Variants in PGRMC2 observed in about 807,000 individuals in gnomAD.
PGRMC2 encodes membrane-associated progesterone receptor component 2.
A neutral mutation model predicts 19.3 loss-of-function variants in PGRMC2; 9 were observed. The observed-to-expected ratio is 0.47, with a 90% CI of 0.28 to 0.81. The LOEUF is 0.81. PGRMC2 is among the 40% of genes least tolerant of loss of function. The probability of loss-of-function intolerance (pLI) is 0.11; values close to 1 mark genes in which losing one functional copy is unlikely to be tolerated. For synonymous variants in PGRMC2, 157 were observed against 124.6 expected (o/e 1.26, Z -1.73); for missense variants, 289 against 297.3 (o/e 0.97, Z 0.21).
rs1400934013 is a variant in PGRMC2, at chr4:128,287,658, ACGC to A, written c.130_132del (p.Ala44del). On this transcript the variant is annotated inframe_deletion, in exon 1 of 3. Transcript: ENST00000296425. ...TCCCCGCCCCCCGTCAGAAGCGCCA[ACGC>A]CGCCGCCGCCCAGCCTCCCCCTTCC... 1 of 1,533,058 alleles carries A rather than the reference ACGC, an allele frequency of 6.5e-7. No individual in the cohort carries two copies. The highest frequency in any genetic ancestry group is 8.7e-7 in the Non-Finnish European group (1 of 1,144,110). The allele number at this position is 1,533,058 out of a possible 1,614,324, so 95.0% of individuals were successfully genotyped here.
chr4:128,287,584 G>A lies in PGRMC2; in HGVS notation c.207C>T (p.Tyr69=). 7.0e-7 allele frequency: 1 copy of A among 1,436,310 alleles called. No individual in the cohort carries two copies. The highest frequency in any genetic ancestry group is 1.2e-5 in the South Asian group (1 of 81,526). The allele number at this position is 1,436,310 out of a possible 1,614,324, so 89.0% of individuals were successfully genotyped here. A position where few individuals can be genotyped will look rare whatever the true frequency, so the allele number is the denominator to read the frequency against. The change falls in exon 1 of 3, where the codon TAC becomes TAT. Residue 69 remains tyrosine (Y), a synonymous_variant. Coordinates refer to ENST00000296425, the MANE Select transcript of PGRMC2 (RefSeq NM_006320.6). ...ALVALVLLGA[Y]RLWVRWGRRG... is the part of the protein sequence containing the mutation. Reference sequence around the variant, plus strand: ...GCCGCCCCCAGCGCACCCACAGCCGGTAGGCCCCCAGCAGCACCAGAGCCA... The same window carrying A: ...GCCGCCCCCAGCGCACCCACAGCCGATAGGCCCCCAGCAGCACCAGAGCCA...
chr4:128,272,647 C>A (rs917567479), intron 1 of PGRMC2, 130 bp from the exon 2 acceptor site: 3 of 486,200 alleles, frequency 6.2e-6, no homozygotes, highest in African/African-American at 2.1e-5. Flanking sequence ...TTTGTATATA[C>A]CCTTAATTTC....
At position 128,287,442 on chromosome 4, in the gene PGRMC2, G is replaced by A; in HGVS notation, c.349C>T (p.Pro117Ser). 1.2e-6 allele frequency: 2 copies of A among 1,613,446 alleles called. No homozygotes were observed. The highest frequency in any genetic ancestry group is 2.2e-5 in the South Asian group (2 of 91,054). Residue 117 changes from proline to serine, a missense_variant, in exon 1 of 3, where the codon CCG becomes TCG. Coordinates refer to ENST00000296425, the MANE Select transcript of PGRMC2 (RefSeq NM_006320.6). ...CCATTGACCGCGAGCAGGATGCGCG[G>A]GTTGCGGGAGCCGTCGTACTGGCGC... ...QLRQYDGSRN[P>S]RILLAVNGKV...
Position 128,272,394 on chromosome 4 carries a change from TC to T in PGRMC2, c.541del (p.Glu181ArgfsTer17). 1 of 1,542,910 alleles carries T rather than the reference TC, an allele frequency of 6.5e-7. No individual in the cohort carries two copies. The stretch of plus-strand genomic sequence containing the variant: ...CTGCATTTCCCATTCTCGAACACTC[TC>T]CATTTGTACTGCATTCAAATCTGAG... ...DLSDLNAVQM[E>X]SVREWEMQFK... On this transcript the variant is annotated frameshift_variant, in exon 2 of 3. Coordinates refer to ENST00000296425, the MANE Select transcript of PGRMC2 (RefSeq NM_006320.6). LOFTEE classifies it high-confidence loss of function.
intron 1 of PGRMC2, among the ~76,000 whole-genome samples, chr4:128,282,913 A>T (rs1455630795): frequency 6.6e-6 from 1 of 152,146 alleles, no homozygotes. Context: ...TAGGCATCTC[A>T]TGGGGTTCTT....
At chr4:128,279,243 T>C (rs942214928) in intron 1 of PGRMC2, among the ~76,000 whole-genome samples, 2 of 150,470 alleles carry the variant, frequency 1.3e-5, no homozygotes, top group African/African-American at 2.4e-5. Flanking sequence ...TGGCAAAGGA[T>C]ATATGAATAA....
intron 1 of PGRMC2, among the ~76,000 whole-genome samples, chr4:128,275,979 G>A (rs1255207944): frequency 6.6e-6 from 1 of 152,120 alleles, no homozygotes; most frequent in Non-Finnish European, 1.5e-5. Flanking sequence ...TCCTGCCTTT[G>A]CCTCCCAAAG....
At chr4:128,277,763 T>C (rs945942761) in intron 1 of PGRMC2, among the ~76,000 whole-genome samples, 1 of 152,196 alleles carries the variant, frequency 6.6e-6, no homozygotes, top group Non-Finnish European at 1.5e-5. Flanking sequence ...GTCCAGTAAG[T>C]CCCAAGACTT....
intron 1 of PGRMC2, among the ~76,000 whole-genome samples, chr4:128,273,565 G>C (rs929319484): frequency 6.6e-6 from 1 of 152,150 alleles, no homozygotes; most frequent in Non-Finnish European, 1.5e-5. Context: ...AACAACAACA[G>C]AGTGGTGAAA....
Position 128,287,618 on chromosome 4 carries a change from A to G in PGRMC2, c.173T>C (p.Val58Ala). ...CAGCAGCACCAGAGCCACCAGCGCC[A>G]CGTTCAGCAGCATTTCCCCGCCCCC... ...LTGGGEMLLN[V>A]ALVALVLLGA... The change falls in exon 1 of 3, where the codon GTG (valine) becomes GCG (alanine). Residue 58 changes from valine to alanine, a missense_variant. Physicochemically the swap from Val to Ala is moderately conservative, Grantham distance 64 (BLOSUM62 0). Coordinates refer to ENST00000296425, the MANE Select transcript of PGRMC2 (RefSeq NM_006320.6). 4 of 1,276,324 alleles carry G rather than the reference A, an allele frequency of 3.1e-6. No individual in the cohort carries two copies. Among genetic ancestry groups the G allele is most frequent in the Non-Finnish European group, 4.0e-6 (4 of 989,282 alleles). The allele number at this position is 1,276,324 out of a possible 1,614,324, so 79.1% of individuals were successfully genotyped here.
chr4:128,278,814 A>G (rs1760856763), intron 1 of PGRMC2, among the ~76,000 whole-genome samples: 2 of 152,234 alleles, frequency 1.3e-5, no homozygotes, highest in African/African-American at 4.8e-5. Flanking sequence ...AAAAAACACC[A>G]TAAATAAGTA....
chr4:128,284,120 G>GT (rs1482226199), intron 1 of PGRMC2, among the ~76,000 whole-genome samples: 10 of 151,946 alleles, frequency 6.6e-5, no homozygotes, highest in South Asian at 6.2e-4. Flanking sequence ...CGAAAGGCAT[G>GT]TTTTTTTTGA....
intron 1 of PGRMC2, among the ~76,000 whole-genome samples, chr4:128,285,408 C>A (rs1010649468): frequency 7.2e-5 from 11 of 152,214 alleles, no homozygotes; most frequent in African/African-American, 2.7e-4. Flanking sequence ...GGATTACAGG[C>A]ATGAACCACC....
At chr4:128,280,066 A>T in intron 1 of PGRMC2, among the ~76,000 whole-genome samples, 1 of 152,156 alleles carries the variant, frequency 6.6e-6, no homozygotes, top group East Asian at 1.9e-4. Context: ...TTTTACAGGA[A>T]ATACTCCAAA....
chr4:128,275,841 C>T (rs1445783850), intron 1 of PGRMC2, among the ~76,000 whole-genome samples: 3 of 152,082 alleles, frequency 2.0e-5, no homozygotes, highest in Non-Finnish European at 4.4e-5. Flanking sequence ...TCCTCCTGCC[C>T]TAACCTCCCA....
chr4:128,279,733 T>C (rs1376455287), intron 1 of PGRMC2, among the ~76,000 whole-genome samples: 1 of 152,148 alleles, frequency 6.6e-6, no homozygotes, highest in Non-Finnish European at 1.5e-5. Context: ...CAAAGGCTCT[T>C]GTGATATTAA....
chr4:128,275,256 T>C (rs969535721), intron 1 of PGRMC2, among the ~76,000 whole-genome samples: 25 of 152,278 alleles, frequency 1.6e-4, no homozygotes, highest in African/African-American at 6.0e-4. Context: ...CTTCAGAGTA[T>C]AAGCCATAAA....
At chr4:128,276,006 C>T (rs1760806396) in intron 1 of PGRMC2, among the ~76,000 whole-genome samples, 1 of 152,122 alleles carries the variant, frequency 6.6e-6, no homozygotes, top group South Asian at 2.1e-4. Flanking sequence ...AATTACAGGC[C>T]TAAGCCACCA....
chr4:128,280,161 G>A (rs1234594018), intron 1 of PGRMC2, among the ~76,000 whole-genome samples: 3 of 151,264 alleles, frequency 2.0e-5, no homozygotes, highest in Non-Finnish European at 4.4e-5. Context: ...TGGAGGAGTG[G>A]GCACATATAA....
Sources: gnomAD v4.1 joint callset for allele counts (sites outside exome capture counted in the v4.1 genomes callset) on GRCh38, gnomAD v4.1.1 for gene constraint, MANE v1.5 for transcripts, NCBI Gene and HGNC (gene_info 2026-07-23, HGNC 2026-07-21) for gene names.